The following TEAD1 variants were observed in gnomAD, a reference collection of about 807,000 sequenced individuals.
TEAD1 encodes the protein transcriptional enhancer factor TEF-1.
Under a neutral mutation model 54.9 loss-of-function variants are expected in TEAD1, and 9 were observed. The observed-to-expected ratio is 0.16, with a 90% CI of 0.10 to 0.29. TEAD1 has a LOEUF of 0.29. Ranked by LOEUF, TEAD1 falls within the 10% of genes least tolerant of loss-of-function variation. The probability of loss-of-function intolerance (pLI) is 1.00; values close to 1 mark genes in which losing one functional copy is unlikely to be tolerated. For missense variants in TEAD1, 387 were observed against 535.9 expected, an observed-to-expected ratio of 0.72 and a Z score of 2.74; for synonymous variants, 200 against 187.8, an observed-to-expected ratio of 1.07 and a Z score of -0.53.
intron 5 of TEAD1, among the ~76,000 whole-genome samples, chr11:12,866,943 T>C (rs1947630791): frequency 6.6e-6 from 1 of 152,120 alleles, no homozygotes; most frequent in Non-Finnish European, 1.5e-5. Flanking sequence ...AAATGAAATG[T>C]GGGGTGCATC....
intron 2 of TEAD1, among the ~76,000 whole-genome samples, chr11:12,761,828 A>G (rs905196212): frequency 1.3e-5 from 2 of 152,224 alleles, no homozygotes; most frequent in African/African-American, 2.4e-5. Context: ...AAGCATTTCA[A>G]CATGTCAGTA....
intron 3 of TEAD1, among the ~76,000 whole-genome samples, chr11:12,809,860 T>C (rs1946255746): frequency 1.3e-5 from 2 of 152,116 alleles, no homozygotes; most frequent in Non-Finnish European, 2.9e-5. Flanking sequence ...CTGGCAAGTC[T>C]GCCACATGGT....
At chr11:12,746,898 A>G (rs554968666) in intron 2 of TEAD1, among the ~76,000 whole-genome samples, 51 of 152,238 alleles carry the variant, frequency 3.4e-4, no homozygotes, top group Non-Finnish European at 6.6e-4. Context: ...GCCACAGACC[A>G]GGCGGGCTGG....
chr11:12,937,183 C>T lies in TEAD1; in HGVS notation c.1242C>T (p.His414=), dbSNP rs776934406. ...TGTTTGAAGTTTCAAATAGTGAACACGGAGCACAACATCATATTTACAGGC... is the reference window on the plus strand; with the variant it reads ...TGTTTGAAGTTTCAAATAGTGAACATGGAGCACAACATCATATTTACAGGC... Residue 414 remains histidine, a synonymous_variant, in exon 13 of 13, where the codon CAC becomes CAT. Transcript: ENST00000527636. 20 of 1,613,720 alleles carry T rather than the reference C, an allele frequency of 1.2e-5. No homozygotes were observed. The highest frequency in any genetic ancestry group is 6.7e-5 in the Admixed American group (4 of 59,992).
chr11:12,865,417 A>T (rs1947596850), intron 5 of TEAD1: 1 of 160,724 alleles, frequency 6.2e-6, no homozygotes, highest in African/African-American at 2.4e-5. Context: ...CGTCTTTTTC[A>T]TGCATGTCTC....
At chr11:12,781,199 T>C (rs1424896070) in intron 3 of TEAD1, among the ~76,000 whole-genome samples, 3 of 152,218 alleles carry the variant, frequency 2.0e-5, no homozygotes, top group Non-Finnish European at 2.9e-5. Flanking sequence ...AAAATGATCA[T>C]AGATGTAAAA....
chr11:12,821,547 G>T (rs769919214), intron 3 of TEAD1, among the ~76,000 whole-genome samples: 17 of 152,172 alleles, frequency 1.1e-4, no homozygotes, highest in Non-Finnish European at 2.2e-4. Context: ...GAGTACAAAT[G>T]ATACCTTCAT....
rs1943031616 is a variant in TEAD1, at chr11:12,674,470, G to C, written c.-572G>C. On this transcript the variant is annotated 5_prime_UTR_variant, in exon 1 of 13. Coordinates refer to ENST00000527636, the MANE Select transcript of TEAD1 (RefSeq NM_021961.6). ...CGCGCCGCGCCGCGCCGCCTGAGCCGAGCCGAGCCTCTGCTGCCGCCGCCG... is the reference window on the plus strand; with the variant it reads ...CGCGCCGCGCCGCGCCGCCTGAGCCCAGCCGAGCCTCTGCTGCCGCCGCCG... The C allele has an allele frequency of 6.6e-6, 1 of 151,538 alleles. No individual in the cohort carries two copies. The highest frequency in any genetic ancestry group is 2.4e-5 in the African/African-American group (1 of 41,070). The allele number at this position is 151,538 out of a possible 1,614,324, so 9.4% of individuals were successfully genotyped here.
chr11:12,708,490 G>C (rs547739989), intron 2 of TEAD1, among the ~76,000 whole-genome samples: 6 of 151,978 alleles, frequency 3.9e-5, no homozygotes, highest in Non-Finnish European at 5.9e-5. Context: ...GATGGGGCTC[G>C]GGGGCAAATT....
intron 2 of TEAD1, among the ~76,000 whole-genome samples, chr11:12,688,781 C>G (rs145699623): frequency 2.0e-5 from 3 of 152,222 alleles, no homozygotes; most frequent in South Asian, 4.1e-4. Flanking sequence ...TGAAATATAG[C>G]GAATGACCCA....
chr11:12,747,304 A>C (rs1392562140), intron 2 of TEAD1, among the ~76,000 whole-genome samples: 1 of 151,986 alleles, frequency 6.6e-6, no homozygotes, highest in East Asian at 1.9e-4. Flanking sequence ...ATTAGCAGTA[A>C]TTATTATTAT....
chr11:12,811,578 G>A (rs913744929), intron 3 of TEAD1, among the ~76,000 whole-genome samples: 8 of 152,156 alleles, frequency 5.3e-5, no homozygotes, highest in Non-Finnish European at 7.3e-5. Context: ...GGGAAGCCAG[G>A]GATCCTCATG....
intron 2 of TEAD1, among the ~76,000 whole-genome samples, chr11:12,698,223 G>A (rs1943627951): frequency 6.6e-6 from 1 of 152,166 alleles, no homozygotes; most frequent in South Asian, 2.1e-4. Context: ...GGGACCGGGA[G>A]GTGAGGAGCC....
intron 2 of TEAD1, among the ~76,000 whole-genome samples, chr11:12,702,582 T>C (rs1943725983): frequency 1.3e-5 from 2 of 152,152 alleles, no homozygotes; most frequent in Non-Finnish European, 2.9e-5. Context: ...CTGAGTGCTT[T>C]TGTGGCTGAG....
chr11:12,744,453 T>A (rs911786306), intron 2 of TEAD1, among the ~76,000 whole-genome samples: 22 of 152,102 alleles, frequency 1.4e-4, no homozygotes, highest in African/African-American at 5.3e-4. Context: ...CACAGAGAAG[T>A]TTTCAGGACT....
At chr11:12,684,014 A>G (rs866690540) in intron 2 of TEAD1, among the ~76,000 whole-genome samples, 44 of 152,184 alleles carry the variant, frequency 2.9e-4, no homozygotes, top group African/African-American at 7.7e-4. Flanking sequence ...AGCAACTTCA[A>G]ATGTCATGTT....
At chr11:12,745,035 C>G (rs1944719514) in intron 2 of TEAD1, among the ~76,000 whole-genome samples, 1 of 152,144 alleles carries the variant, frequency 6.6e-6, no homozygotes, top group African/African-American at 2.4e-5. Context: ...AATTTTAAAC[C>G]TGGTCAGGGA....
chr11:12,917,638 C>T (rs1011742856), intron 10 of TEAD1, among the ~76,000 whole-genome samples: 4 of 152,186 alleles, frequency 2.6e-5, no homozygotes, highest in Admixed American at 2.6e-4. Context: ...AGTGATTTTC[C>T]TGTGTCTGAA....
chr11:12,776,774 T>C (rs984113413), intron 3 of TEAD1, among the ~76,000 whole-genome samples: 1 of 125,784 alleles, frequency 8.0e-6, no homozygotes, highest in Admixed American at 7.2e-5. Flanking sequence ...TTATTATTAT[T>C]ATTATTATTA....
Sources: allele counts gnomAD v4.1 joint callset (sites outside exome capture counted in the v4.1 genomes callset), GRCh38; gene constraint gnomAD v4.1.1; transcripts MANE v1.5; gene names NCBI Gene and HGNC (gene_info 2026-07-23, HGNC 2026-07-21).